The following ASXL1 variants were observed in gnomAD, a reference collection of about 807,000 sequenced individuals.
ASXL1 encodes ASXL transcriptional regulator 1.
A neutral mutation model predicts 89.1 loss-of-function variants in ASXL1; 65 were observed. That is an observed-to-expected ratio of 0.73 (90% CI 0.60 to 0.90). The LOEUF (loss-of-function observed/expected upper bound fraction) is 0.90, where lower values mean the gene tolerates loss of function less well. ASXL1 is among the 40% of genes least tolerant of loss of function. ASXL1 has a pLI of 0.00. For missense variants in ASXL1, 1,786 were observed against 1,942.9 expected (o/e 0.92, Z 1.52); for synonymous variants, 739 against 746.9 (o/e 0.99, Z 0.17).
rs771376850 is a variant in ASXL1 at position 32,435,742 on chromosome 20, G to A, written c.3030G>A (p.Thr1010=). 4 of 1,614,210 alleles carry A rather than the reference G, an allele frequency of 2.5e-6. No homozygotes were observed. The highest frequency in any genetic ancestry group is 1.1e-5 in the South Asian group (1 of 91,078). ...CCTCTGACTTTGAAGGTCACCTCAC[G>A]GAGGACAGCAGTGAGGCTGACACTA... ...DTASDFEGHL[T]EDSSEADTRE... Residue 1010 remains threonine (T), a synonymous_variant, in exon 13 of 13, where the codon ACG becomes ACA. Coordinates refer to ENST00000375687, the MANE Select transcript of ASXL1 (RefSeq NM_015338.6).
chr20:32,367,636 G>T, intron 2 of ASXL1, 91 bp from the exon 3 acceptor site: 1 of 774,504 alleles, frequency 1.3e-6, no homozygotes. Flanking sequence ...TATCCACTGT[G>T]TAGTGTTATA....
At chr20:32,424,974 A>G (rs895620303) in intron 4 of ASXL1, among the ~76,000 whole-genome samples, 7 of 148,294 alleles carry the variant, frequency 4.7e-5, no homozygotes, top group African/African-American at 1.3e-4. Flanking sequence ...TCACAGCCCC[A>G]TTCTTCCAGC....
intron 4 of ASXL1, among the ~76,000 whole-genome samples, chr20:32,424,854 C>T (rs2011227984): frequency 6.6e-6 from 1 of 152,070 alleles, no homozygotes; most frequent in Admixed American, 6.6e-5. Context: ...AAATGTTCAG[C>T]TTAAGGAATT....
At chr20:32,383,275 C>T (rs2048519779) in intron 4 of ASXL1, among the ~76,000 whole-genome samples, 1 of 151,820 alleles carries the variant, frequency 6.6e-6, no homozygotes, top group Non-Finnish European at 1.5e-5. Context: ...TTTGTACTCT[C>T]CATTATATTG....
At position 32,358,584 on chromosome 20, in the gene ASXL1, C is replaced by A. The variant is rs1206841348; in HGVS notation, c.-192C>A. On this transcript the variant is annotated 5_prime_UTR_variant, in exon 1 of 13. Transcript: ENST00000375687. ...GGCGCGTGGAGCCGCCGCCGCCCCT[C>A]CCCCACCGCCGCTCTCGCGCCAGCC... 5.1e-6 allele frequency: 1 copy of A among 194,380 alleles called. No homozygotes were observed. The highest frequency in any genetic ancestry group is 1.1e-5 in the Non-Finnish European group (1 of 95,018). The allele number at this position is 194,380 out of a possible 1,614,324, so 12.0% of individuals were successfully genotyped here.
intron 4 of ASXL1, among the ~76,000 whole-genome samples, chr20:32,388,811 T>A (rs1377783776): frequency 6.6e-6 from 1 of 152,174 alleles, no homozygotes; most frequent in Non-Finnish European, 1.5e-5. Flanking sequence ...TGGTAGATCA[T>A]GCCTATAAGA....
chr20:32,359,908 A>G (rs977501681), intron 1 of ASXL1: 3 of 710,256 alleles, frequency 4.2e-6, no homozygotes, highest in Non-Finnish European at 7.9e-6. Context: ...AGTTCCTAAG[A>G]TCTGTCACAC....
At position 32,437,586 on chromosome 20, in the gene ASXL1, A is replaced by T; in HGVS notation, c.*248A>T. The stretch of plus-strand genomic sequence containing the variant: ...GCCAGCCTGAGCTCTCCTGCAAGAC[A>T]GAGCCTGATGTGGCACGGAGTGGGG... On this transcript the variant is annotated 3_prime_UTR_variant, in exon 13 of 13. Coordinates refer to ENST00000375687, the MANE Select transcript of ASXL1 (RefSeq NM_015338.6). 9.2e-6 allele frequency: 5 copies of T among 544,084 alleles called. No individual in the cohort carries two copies. The highest frequency in any genetic ancestry group is 1.6e-5 in the Non-Finnish European group (5 of 307,676). The allele number at this position is 544,084 out of a possible 1,614,324, so 33.7% of individuals were successfully genotyped here.
At position 32,429,753 on chromosome 20, in the gene ASXL1, G is replaced by C. The variant is rs1172999063; in HGVS notation, c.566-148G>C. The C allele has an allele frequency of 8.9e-7, 1 of 1,129,048 alleles. No individual in the cohort carries two copies. The allele number at this position is 1,129,048 out of a possible 1,614,324, so 69.9% of individuals were successfully genotyped here. Reference sequence around the variant, plus strand: ...ATATTTTAAAGCCAGACCATGAAGTGGTGGTTTCTCTCAGCCTAAGGCTGG... The same window carrying C: ...ATATTTTAAAGCCAGACCATGAAGTCGTGGTTTCTCTCAGCCTAAGGCTGG... On this transcript the variant is annotated intron_variant, in intron 7 of 12. Coordinates refer to ENST00000375687, the MANE Select transcript of ASXL1 (RefSeq NM_015338.6). This position sits in a 1 kb window ranked among gnomAD's most constrained non-coding sequence, Gnocchi z 4.9.
intron 4 of ASXL1, among the ~76,000 whole-genome samples, chr20:32,393,377 T>C (rs570440944): frequency 6.6e-6 from 1 of 152,244 alleles, no homozygotes; most frequent in Non-Finnish European, 1.5e-5. Flanking sequence ...AAGTGGTTTT[T>C]TTTCCCAGGC....
intron 4 of ASXL1, among the ~76,000 whole-genome samples, chr20:32,390,979 T>G (rs989094888): frequency 2.0e-5 from 3 of 152,110 alleles, no homozygotes; most frequent in Non-Finnish European, 2.9e-5. Context: ...CACTGCAGGC[T>G]TAAACTCAAG....
At position 32,437,550 on chromosome 20, in the gene ASXL1, G is replaced by C; in HGVS notation, c.*212G>C. ...TTTCCTGGGTATAACCCATTGGGCTGCCCAAGGCCAGCCAGCCTGAGCTCT... is the reference window on the plus strand; with the variant it reads ...TTTCCTGGGTATAACCCATTGGGCTCCCCAAGGCCAGCCAGCCTGAGCTCT... On this transcript the variant is annotated 3_prime_UTR_variant, in exon 13 of 13. Coordinates refer to ENST00000375687, the MANE Select transcript of ASXL1 (RefSeq NM_015338.6). 2 of 703,492 alleles carry C rather than the reference G, an allele frequency of 2.8e-6. No individual in the cohort carries two copies. The allele number at this position is 703,492 out of a possible 1,614,324, so 43.6% of individuals were successfully genotyped here.
chr20:32,437,528 C>T lies in ASXL1; in HGVS notation c.*190C>T. The stretch of plus-strand genomic sequence containing the variant: ...CCTTCTGGTCTTGCTGGAGGGGTTT[C>T]CTGGGTATAACCCATTGGGCTGCCC... On this transcript the variant is annotated 3_prime_UTR_variant, in exon 13 of 13. Transcript: ENST00000375687. 3.3e-6 allele frequency: 3 copies of T among 914,386 alleles called. No homozygotes were observed. The highest frequency in any genetic ancestry group is 4.9e-6 in the Non-Finnish European group (3 of 607,922). 56.6% of individuals were successfully genotyped at this position (914,386 alleles called of 1,614,324 possible). A position where few individuals can be genotyped will look rare whatever the true frequency, so the allele number is the denominator to read the frequency against.
At chr20:32,424,188 G>C (rs1327691843) in intron 4 of ASXL1, among the ~76,000 whole-genome samples, 4 of 152,086 alleles carry the variant, frequency 2.6e-5, no homozygotes, top group Admixed American at 2.6e-4. Context: ...AACAATACAT[G>C]TTAATAGTAG....
At position 32,439,255 on chromosome 20, in the gene ASXL1, C is replaced by G. The variant is rs1427437627; in HGVS notation, c.*1917C>G. 2 of 233,188 alleles carry G rather than the reference C, an allele frequency of 8.6e-6. No homozygotes were observed. The highest frequency in any genetic ancestry group is 1.7e-5 in the Non-Finnish European group (2 of 117,844). The allele number at this position is 233,188 out of a possible 1,614,324, so 14.4% of individuals were successfully genotyped here. A position where few individuals can be genotyped will look rare whatever the true frequency, so the allele number is the denominator to read the frequency against. On this transcript the variant is annotated 3_prime_UTR_variant, in exon 13 of 13. Transcript: ENST00000375687. ...ACACTGATCTGGTCCATGAGGCTGC[C>G]CAGAGAAAGCACTGCTTCTGTATGT...
At chr20:32,363,232 AT>A (rs1051392977) in intron 1 of ASXL1, among the ~76,000 whole-genome samples, 9 of 151,874 alleles carry the variant, frequency 5.9e-5, no homozygotes, top group African/African-American at 1.9e-4. Context: ...TGTTTAAATA[AT>A]TGGTAGTTAC....
At position 32,433,334 on chromosome 20, in the gene ASXL1, A is replaced by G. The variant is rs1434163063; in HGVS notation, c.1136A>G (p.Glu379Gly). ...TTGCAGCAGAACGTGGGCCAGGAGG[A>G]GGCTGAAATCAAAAGTGGCTTGTGT... ...ESLQQNVGQEEAEIKSGLCVP... is the reference protein window; with the variant it reads ...ESLQQNVGQEGAEIKSGLCVP... Residue 379 changes from glutamate (E) to glycine (G), a missense_variant, in exon 12 of 13, where the codon GAG becomes GGG. Physicochemically the swap from Glu to Gly is moderately conservative, Grantham distance 98. Transcript: ENST00000375687. 6.2e-7 allele frequency: 1 copy of G among 1,614,122 alleles called. No individual in the cohort carries two copies.
At chr20:32,432,074 T>A (rs923224062) in intron 10 of ASXL1, among the ~76,000 whole-genome samples, 1 of 152,176 alleles carries the variant, frequency 6.6e-6, no homozygotes, top group Admixed American at 6.5e-5. Flanking sequence ...TAATTTAATT[T>A]TGTGGGGAAA....
rs35632616 is a variant in ASXL1, at chr20:32,435,225, A to G, written c.2513A>G (p.Lys838Arg). The G allele has an allele frequency of 1.9e-3, 3,051 of 1,614,034 alleles. 56 individuals are homozygous for G. The African/African-American group carries it at 0.036, about 19-fold the overall frequency. ...GCTCTTGACAGTCATCCCACTATGA[A>G]GGATCCTGTAAATGTGACCCCCAGT... Reference protein sequence around the residue: ...GQALDSHPTMKDPVNVTPSST... With the variant: ...GQALDSHPTMRDPVNVTPSST... Residue 838 changes from lysine to arginine, a missense_variant, in exon 13 of 13, where the codon AAG (lysine) becomes AGG (arginine). By Grantham distance (26) the Lys-to-Arg change is conservative (BLOSUM62 2). This residue lies in a region of ASXL1 where 1,418 missense variants were observed against 1,427.8 expected (regional missense o/e 0.99). Transcript: ENST00000375687.
Sources: gnomAD v4.1 joint callset for allele counts (sites outside exome capture counted in the v4.1 genomes callset) on GRCh38, gnomAD v4.1.1 for gene constraint, gnomAD v4.1.1 regional missense constraint, Gnocchi (gnomAD v3.1) non-coding constraint, MANE v1.5 for transcripts, NCBI Gene and HGNC (gene_info 2026-07-23, HGNC 2026-07-21) for gene names.